The following COA1 variants were observed in gnomAD, a reference collection of about 807,000 sequenced individuals.
COA1 encodes cytochrome c oxidase assembly factor 1.
Under a neutral mutation model 16.0 loss-of-function variants are expected in COA1, and 13 were observed. The observed-to-expected ratio is 0.81, with a 90% CI of 0.53 to 1.29. COA1 has a LOEUF of 1.29. Among genes scored for constraint, COA1 ranks in the 50% most tolerant of loss-of-function variants. The pLI is 0.00. For synonymous variants in COA1, 65 were observed against 65.7 expected, an observed-to-expected ratio of 0.99 and a Z score of 0.05; for missense variants, 179 against 177.0, an observed-to-expected ratio of 1.01 and a Z score of -0.06.
chr7:43,679,773 T>A (rs1433932447), intron 1 of COA1, among the ~76,000 whole-genome samples: 1 of 152,020 alleles, frequency 6.6e-6, no homozygotes, highest in Non-Finnish European at 1.5e-5. Flanking sequence ...AATGTAGGAA[T>A]AAGAAGCAGC....
intron 1 of COA1, among the ~76,000 whole-genome samples, chr7:43,699,370 A>T (rs1452814531): frequency 6.6e-6 from 1 of 152,212 alleles, no homozygotes; most frequent in Non-Finnish European, 1.5e-5. Flanking sequence ...GTTCTTATTC[A>T]CTTTATTAAT....
intron 1 of COA1, among the ~76,000 whole-genome samples, chr7:43,688,281 T>C (rs1208500740): frequency 2.6e-5 from 4 of 152,154 alleles, no homozygotes; most frequent in African/African-American, 9.7e-5. Context: ...CCTAAAGTAA[T>C]TAATGTATGC....
At chr7:43,682,063 CT>C (rs1375952212) in intron 1 of COA1, among the ~76,000 whole-genome samples, 1 of 152,128 alleles carries the variant, frequency 6.6e-6, no homozygotes, top group Non-Finnish European at 1.5e-5. Flanking sequence ...GGTTAATGGG[CT>C]TTTAATATGT....
chr7:43,688,687 A>T (rs1035852107), intron 1 of COA1, among the ~76,000 whole-genome samples: 4 of 152,222 alleles, frequency 2.6e-5, no homozygotes, highest in African/African-American at 9.6e-5. Context: ...TCATAACGTC[A>T]GGGGCTCTTT....
intron 1 of COA1, among the ~76,000 whole-genome samples, chr7:43,679,099 T>C (rs2093653643): frequency 6.6e-6 from 1 of 151,854 alleles, no homozygotes; most frequent in Non-Finnish European, 1.5e-5. Context: ...GCCAACATGG[T>C]GAAACCCCAT....
intron 6 of COA1, among the ~76,000 whole-genome samples, chr7:43,616,649 G>A (rs939149036): frequency 6.6e-6 from 1 of 152,184 alleles, no homozygotes; most frequent in African/African-American, 2.4e-5. Flanking sequence ...TGTAATCCCA[G>A]CACTTTGGGA....
At chr7:43,642,857 C>A (rs2087553322) in intron 4 of COA1, among the ~76,000 whole-genome samples, 1 of 152,172 alleles carries the variant, frequency 6.6e-6, no homozygotes, top group Admixed American at 6.5e-5. Flanking sequence ...AACATCTCAC[C>A]TCTGGAAAAA....
intron 1 of COA1, among the ~76,000 whole-genome samples, chr7:43,663,807 C>T (rs1365203448): frequency 1.3e-5 from 2 of 151,928 alleles, no homozygotes; most frequent in Admixed American, 6.6e-5. Flanking sequence ...ACTTTAGATA[C>T]CTCATTTAAA....
chr7:43,654,593 CA>C (rs2091420670), intron 1 of COA1, among the ~76,000 whole-genome samples: 2 of 151,220 alleles, frequency 1.3e-5, no homozygotes, highest in Admixed American at 1.3e-4. Context: ...AAAAAAAATC[CA>C]AATGCATAAT....
Position 43,644,766 on chromosome 7 carries a change from G to GATAGATAGATAGATAGATAGATAGA in COA1, c.264+484_264+485insTCTATCTATCTATCTATCTATCTAT, listed in dbSNP as rs1563228993. On this transcript the variant is annotated intron_variant, in intron 4 of 5. Coordinates refer to ENST00000223336, the MANE Select transcript of COA1 (RefSeq NM_018224.4). ...GATAGATAGATAGATAGATAGGCAG[G>GATAGATAGATAGATAGATAGATAGA]CAGGCAGGCAGGCAGGCAGGCAGGC... 2.4e-4 allele frequency among the ~76,000 whole-genome samples: 19 copies of GATAGATAGATAGATAGATAGATAGA among 80,618 alleles called. 1 individual carries two copies. Among genetic ancestry groups the GATAGATAGATAGATAGATAGATAGA allele is most frequent in the Non-Finnish European group, 4.6e-4 (16 of 34,484 alleles). The allele number at this position is 80,618 out of a possible 152,430, so 52.9% of individuals were successfully genotyped here.
At chr7:43,660,381 C>G (rs1488292509) in intron 1 of COA1, among the ~76,000 whole-genome samples, 1 of 152,150 alleles carries the variant, frequency 6.6e-6, no homozygotes, top group Non-Finnish European at 1.5e-5. Context: ...ACTTGGTGAA[C>G]GGAACCAACC....
chr7:43,711,921 T>C (rs549627750), intron 1 of COA1, among the ~76,000 whole-genome samples: 1 of 152,192 alleles, frequency 6.6e-6, no homozygotes, highest in Non-Finnish European at 1.5e-5. Context: ...AATATATGTG[T>C]GAATACGAAG....
chr7:43,627,529 G>T (rs2084695898), intron 6 of COA1, among the ~76,000 whole-genome samples: 2 of 152,128 alleles, frequency 1.3e-5, no homozygotes, highest in South Asian at 2.1e-4. Flanking sequence ...ATAGGAGAAA[G>T]ATGACTAGCA....
chr7:43,625,952 T>C (rs1467787118), intron 6 of COA1: 1 of 152,236 alleles, frequency 6.6e-6, no homozygotes, highest in Non-Finnish European at 1.5e-5. Context: ...TGTATAAGAA[T>C]GTACTAATAG....
chr7:43,614,030 C>G (rs1384208803), intron 6 of COA1, among the ~76,000 whole-genome samples: 1 of 152,190 alleles, frequency 6.6e-6, no homozygotes, highest in Non-Finnish European at 1.5e-5. Context: ...TTTCTCTACT[C>G]TAACCTGGGT....
chr7:43,679,264 CAAAAAAAAAA>C (rs10618048), intron 1 of COA1, among the ~76,000 whole-genome samples: 5 of 84,122 alleles, frequency 5.9e-5, no homozygotes, highest in Non-Finnish European at 8.9e-5. Context: ...AACTCCATTG[CAAAAAAAAAA>C]AAAAAAAAAA....
At chr7:43,713,072 C>A (rs1047622139) in intron 1 of COA1, among the ~76,000 whole-genome samples, 2 of 152,184 alleles carry the variant, frequency 1.3e-5, no homozygotes, top group Non-Finnish European at 2.9e-5. Context: ...CCTGCCTCAG[C>A]CTCCCAAATA....
At chr7:43,680,301 AAGT>A (rs1468275275) in intron 1 of COA1, among the ~76,000 whole-genome samples, 2 of 151,838 alleles carry the variant, frequency 1.3e-5, no homozygotes, top group East Asian at 3.9e-4. Flanking sequence ...AAAAAAAAAA[AAGT>A]AAGTAGGGAG....
intron 1 of COA1, among the ~76,000 whole-genome samples, chr7:43,667,362 A>G (rs529268669): frequency 2.6e-5 from 4 of 152,204 alleles, no homozygotes; most frequent in Non-Finnish European, 5.9e-5. Flanking sequence ...GTCACATGAG[A>G]TTGCCAAAAT....
Sources: gnomAD v4.1 joint callset for allele counts (sites outside exome capture counted in the v4.1 genomes callset) on GRCh38, gnomAD v4.1.1 for gene constraint, MANE v1.5 for transcripts, NCBI Gene and HGNC (gene_info 2026-07-23, HGNC 2026-07-21) for gene names.